TBC1D10A: variants seen among roughly 807,000 people sequenced by gnomAD.
TBC1D10A encodes TBC1 domain family member 10A.
TBC1D10A carries 24 observed loss-of-function variants against 52.9 expected under a neutral mutation model. The observed-to-expected ratio is 0.45, with a 90% CI of 0.33 to 0.64. TBC1D10A has a LOEUF of 0.64. Ranked by LOEUF, TBC1D10A falls within the 30% of genes least tolerant of loss-of-function variation. The probability of loss-of-function intolerance (pLI) is 0.02; values close to 1 mark genes in which losing one functional copy is unlikely to be tolerated. For missense variants in TBC1D10A, 602 were observed against 687.9 expected, an observed-to-expected ratio of 0.88 and a Z score of 1.40; for synonymous variants, 278 against 282.9, an observed-to-expected ratio of 0.98 and a Z score of 0.17.
chr22:30,295,433 T>C (rs1464141059), intron 4 of TBC1D10A, among the ~76,000 whole-genome samples: 1 of 152,110 alleles, frequency 6.6e-6, no homozygotes, highest in Non-Finnish European at 1.5e-5. Flanking sequence ...CTGCCCTATC[T>C]CTCCCCTGCA....
At chr22:30,305,785 T>C (rs1422503291) in intron 1 of TBC1D10A, among the ~76,000 whole-genome samples, 1 of 152,144 alleles carries the variant, frequency 6.6e-6, no homozygotes. Flanking sequence ...TCTTCTTCAG[T>C]GCATTTTATC....
intron 1 of TBC1D10A, among the ~76,000 whole-genome samples, chr22:30,310,414 T>A (rs1028416157): frequency 6.6e-6 from 1 of 152,174 alleles, no homozygotes; most frequent in African/African-American, 2.4e-5. Context: ...ACCATTTTAC[T>A]CATGAAGCAA....
In TBC1D10A at chr22:30,311,038, G is replaced by A. The variant is rs193235721; in HGVS notation, c.210-6408C>T. ...TGCAGGGGGAGCATGGCCAATCACC[G>A]ATCCAGAGGGTTTCCCTCTCCACCC... is the stretch of plus-strand genomic sequence containing the variant. On this transcript the variant is annotated intron_variant, in intron 1 of 8. Coordinates refer to ENST00000215790, the MANE Select transcript of TBC1D10A (RefSeq NM_031937.3). 8.2e-4 allele frequency among the ~76,000 whole-genome samples: 125 copies of A among 152,308 alleles called. 1 individual carries two copies. Among genetic ancestry groups the A allele is most frequent in the African/African-American group, 2.7e-3 (114 of 41,572 alleles).
chr22:30,304,484 C>A (rs1335112273), intron 2 of TBC1D10A, 47 bp downstream of exon 2: 7 of 1,612,624 alleles, frequency 4.3e-6, no homozygotes, highest in Non-Finnish European at 5.9e-6. Flanking sequence ...CCTCCTCCTC[C>A]CCAAGCTGCC....
At position 30,292,595 on chromosome 22, in the gene TBC1D10A, C is replaced by T. The variant is rs559958016; in HGVS notation, c.1307G>A (p.Arg436Gln). Residue 436 changes from arginine to glutamine, a missense_variant, in exon 9 of 9, where the codon CGG (arginine) becomes CAG (glutamine). By Grantham distance (43) the Arg-to-Gln change is conservative. Transcript: ENST00000215790. Reference sequence around the variant, plus strand: ...CTGCCCTCTCCCCTTCATCTGTTTCCGCTGCTCCTTCTGGGCCTGCTTGGG... The same window carrying T: ...CTGCCCTCTCCCCTTCATCTGTTTCTGCTGCTCCTTCTGGGCCTGCTTGGG... Reference protein sequence around the residue: ...KPPKQAQKEQRKQMKGRGQLE... With the variant: ...KPPKQAQKEQQKQMKGRGQLE... The T allele has an allele frequency of 2.5e-5, 41 of 1,613,750 alleles. No individual in the cohort carries two copies. Among genetic ancestry groups the T allele is most frequent in the Non-Finnish European group, 3.1e-5 (36 of 1,179,906 alleles).
intron 4 of TBC1D10A, 110 bp downstream of exon 4, chr22:30,295,627 G>A (rs1930061401): frequency 9.9e-7 from 1 of 1,005,578 alleles, no homozygotes; most frequent in African/African-American, 1.6e-5. Flanking sequence ...TGCTAAGAGT[G>A]GAGTTGGGGG....
At chr22:30,295,944 G>A in intron 3 of TBC1D10A, 101 bp from the exon 4 acceptor site, 2 of 1,038,216 alleles carry the variant, frequency 1.9e-6, no homozygotes, top group Non-Finnish European at 2.8e-6. Flanking sequence ...CCTCCACCAG[G>A]GGCAGTGCCC....
At chr22:30,300,020 G>C (rs1241335767) in intron 2 of TBC1D10A, among the ~76,000 whole-genome samples, 1 of 151,906 alleles carries the variant, frequency 6.6e-6, no homozygotes, top group African/African-American at 2.4e-5. Flanking sequence ...CCTATGGTGC[G>C]GGGAGAGGAG....
intron 2 of TBC1D10A, among the ~76,000 whole-genome samples, chr22:30,302,651 A>G (rs1387848048): frequency 3.3e-5 from 5 of 152,222 alleles, no homozygotes; most frequent in Non-Finnish European, 7.3e-5. Flanking sequence ...GCTGGAGAGA[A>G]GCAGTGAGTT....
In TBC1D10A at chr22:30,294,874, G is replaced by T. The variant is rs1434232956; in HGVS notation, c.640-13C>A. On this transcript the variant is annotated splice_polypyrimidine_tract_variant and intron_variant, in intron 5 of 8. Transcript: ENST00000215790. ...ACCAGAAGGCTTGCTGTGGGCAAGAGAGATGTGAGGCCTTGCCGTTGGGGG... is the reference window on the plus strand; with the variant it reads ...ACCAGAAGGCTTGCTGTGGGCAAGATAGATGTGAGGCCTTGCCGTTGGGGG... 1 of 1,614,150 alleles carries T rather than the reference G, an allele frequency of 6.2e-7. No individual in the cohort carries two copies.
chr22:30,310,188 C>A (rs1241080981), intron 1 of TBC1D10A, among the ~76,000 whole-genome samples: 1 of 152,202 alleles, frequency 6.6e-6, no homozygotes, highest in African/African-American at 2.4e-5. Context: ...AAAGTGACAA[C>A]TTCTTCATCT....
At chr22:30,302,154 G>A (rs1930214604) in intron 2 of TBC1D10A, among the ~76,000 whole-genome samples, 1 of 152,242 alleles carries the variant, frequency 6.6e-6, no homozygotes, top group African/African-American at 2.4e-5. Context: ...TAAAGGTGCT[G>A]GAGGGGGTCA....
In TBC1D10A at chr22:30,293,954, C is replaced by T. The variant is rs1172055991; in HGVS notation, c.862G>A (p.Val288Met). The change falls in exon 7 of 9, where the codon GTG becomes ATG. Residue 288 changes from valine to methionine, a missense_variant. Around this residue, in one of 3 missense-constraint regions of TBC1D10A, gnomAD observed 136 missense variants for 208.4 expected, o/e 0.65. Transcript: ENST00000215790. ...AFSRTLPWSS[V>M]LRVWDMFFCE... ...AAGAACATGTCCCAGACACGCAGCA[C>T]AGAGCTCCAGGGCAAGGTTCGGGAG... 1.9e-6 allele frequency: 3 copies of T among 1,613,960 alleles called. No individual in the cohort carries two copies. In the African/African-American group the frequency reaches 4.0e-5, roughly 22 times the overall value.
chr22:30,313,341 A>ATGTGTGTGTGTGTGTGTGTGTG (rs6147586), intron 1 of TBC1D10A, among the ~76,000 whole-genome samples: 2 of 138,022 alleles, frequency 1.4e-5, no homozygotes, highest in African/African-American at 5.6e-5. Context: ...TGCTCAATAA[A>ATGTGTGTGTGTGTGTGTGTGTG]TGTGTGTGTG....
chr22:30,314,969 T>C (rs1379257673), intron 1 of TBC1D10A, among the ~76,000 whole-genome samples: 1 of 152,198 alleles, frequency 6.6e-6, no homozygotes. Context: ...GTTGCAAGCC[T>C]TGAGTGGAAT....
chr22:30,295,814 C>T lies in TBC1D10A; in HGVS notation c.447G>A (p.Lys149=). Residue 149 remains lysine (K), a synonymous_variant, in exon 4 of 9, where the codon AAG becomes AAA. Coordinates refer to ENST00000215790, the MANE Select transcript of TBC1D10A (RefSeq NM_031937.3). ...DELDMSPGDP[K]WLDVIERDLH... Reference sequence around the variant, plus strand: ...GGTCACGCTCAATCACGTCCAGCCACTTGGGGTCCCCAGGGGACATGTCCA... The same window carrying T: ...GGTCACGCTCAATCACGTCCAGCCATTTGGGGTCCCCAGGGGACATGTCCA... 1 of 1,613,938 alleles carries T rather than the reference C, an allele frequency of 6.2e-7. No homozygotes were observed. The highest frequency in any genetic ancestry group is 8.5e-7 in the Non-Finnish European group (1 of 1,179,986).
intron 1 of TBC1D10A, among the ~76,000 whole-genome samples, chr22:30,321,469 T>C (rs1390510288): frequency 2.0e-5 from 3 of 152,228 alleles, no homozygotes; most frequent in African/African-American, 7.2e-5. Context: ...CAATAAAAAC[T>C]GGCACACAAT....
rs1442106895 is a variant in TBC1D10A at position 30,295,747 on chromosome 22, C to A, written c.514G>T (p.Gly172Trp). ...FPFHEMFVSR[G>W]GHGQQDLFRV... Reference sequence around the variant, plus strand: ...GCCCAGCCTGCTCACCCGTGGCCCCCCCGGGACACAAACATCTCATGGAAT... The same window carrying A: ...GCCCAGCCTGCTCACCCGTGGCCCCACCGGGACACAAACATCTCATGGAAT... Residue 172 changes from glycine to tryptophan, a missense_variant, in exon 4 of 9, where the codon GGG becomes TGG. Physicochemically the swap from Gly to Trp is radical, Grantham distance 184. This residue lies in a region of TBC1D10A where 136 missense variants were observed against 208.4 expected (regional missense o/e 0.65). Transcript: ENST00000215790. 6 of 1,614,038 alleles carry A rather than the reference C, an allele frequency of 3.7e-6. No individual in the cohort carries two copies. Among genetic ancestry groups the A allele is most frequent in the African/African-American group, 1.3e-5 (1 of 75,056 alleles).
At chr22:30,315,851 G>T (rs1930525379) in intron 1 of TBC1D10A, among the ~76,000 whole-genome samples, 1 of 152,154 alleles carries the variant, frequency 6.6e-6, no homozygotes, top group African/African-American at 2.4e-5. Context: ...TGAAAAGCCT[G>T]GTAGGAGAAG....
Sources: gnomAD v4.1 joint callset for allele counts (sites outside exome capture counted in the v4.1 genomes callset) on GRCh38, gnomAD v4.1.1 for gene constraint, gnomAD v4.1.1 regional missense constraint, MANE v1.5 for transcripts, NCBI Gene and HGNC (gene_info 2026-07-23, HGNC 2026-07-21) for gene names.